MCM2: variants seen among roughly 807,000 people sequenced by gnomAD.
MCM2 encodes DNA replication licensing factor MCM2.
Under a neutral mutation model 86.4 loss-of-function variants are expected in MCM2, and 49 were observed. The observed-to-expected ratio is 0.57, with a 90% confidence interval of 0.45 to 0.72. The LOEUF (loss-of-function observed/expected upper bound fraction) is 0.72. MCM2 is among the 30% of genes least tolerant of loss of function. The probability of loss-of-function intolerance (pLI) is 0.00; values close to 1 mark genes in which losing one functional copy is unlikely to be tolerated. For synonymous variants in MCM2, 475 were observed against 484.6 expected (o/e 0.98, Z 0.26); for missense variants, 1,038 against 1,259.9 (o/e 0.82, Z 2.67).
At chr3:127,609,336 T>G (rs17538530) in intron 8 of MCM2, among the ~76,000 whole-genome samples, 1 of 152,174 alleles carries the variant, frequency 6.6e-6, no homozygotes, top group Admixed American at 6.5e-5. Flanking sequence ...GCTCTTCCTT[T>G]AGCAGATCAT....
intron 2 of MCM2, among the ~76,000 whole-genome samples, chr3:127,600,976 T>G (rs536827820): frequency 7.9e-4 from 120 of 152,270 alleles, no homozygotes; most frequent in South Asian, 3.7e-3. Flanking sequence ...TCCTGAGTTA[T>G]GCAGCCTTCA....
intron 8 of MCM2, among the ~76,000 whole-genome samples, chr3:127,611,915 G>T (rs2074401461): frequency 6.9e-6 from 1 of 144,426 alleles, no homozygotes; most frequent in South Asian, 2.3e-4. Context: ...TAGCCGGGAT[G>T]GTCTCGATCT....
In MCM2 at chr3:127,608,920, A is replaced by T. The variant is rs757173924; in HGVS notation, c.1325A>T (p.Asn442Ile). 3 of 1,614,098 alleles carry T rather than the reference A, an allele frequency of 1.9e-6. No homozygotes were observed. The highest frequency in any genetic ancestry group is 1.6e-4 in the Middle Eastern group (1 of 6,062). Reference protein sequence around the residue: ...FPVFATVILANHVAKKDNKVA... With the variant: ...FPVFATVILAIHVAKKDNKVA... ...GTCTTTGCCACTGTCATCCTAGCCA[A>T]CCACGTGGCCAAGAAGGACAACAAG... The change falls in exon 8 of 16, where the codon AAC becomes ATC. Residue 442 changes from asparagine to isoleucine, a missense_variant. By Grantham distance (149) the Asn-to-Ile change is moderately radical. Coordinates refer to ENST00000265056, the MANE Select transcript of MCM2 (RefSeq NM_004526.4).
chr3:127,603,552 C>T (rs953750861), intron 2 of MCM2, among the ~76,000 whole-genome samples: 8 of 152,226 alleles, frequency 5.3e-5, no homozygotes, highest in Non-Finnish European at 1.0e-4. Context: ...GTGGCACGAA[C>T]GTGGCTCACT....
chr3:127,598,560 G>A, intron 1 of MCM2, 88 bp downstream of exon 1: 1 of 1,527,912 alleles, frequency 6.5e-7, no homozygotes, highest in Non-Finnish European at 8.8e-7. Flanking sequence ...GGCCCAGGGC[G>A]GCGCTCTGGG....
rs59607211 is a variant in MCM2, at chr3:127,611,682, C to CTTTTT, written c.1428+2689_1428+2693dup. Among the ~76,000 whole-genome samples the CTTTTT allele has an allele frequency of 1.8e-3, 96 of 54,288 alleles. 19 individuals are homozygous for CTTTTT. Among genetic ancestry groups the CTTTTT allele is most frequent in the Admixed American group, 4.2e-3 (13 of 3,080 alleles). 35.6% of individuals were successfully genotyped at this position (54,288 alleles called of 152,430 possible). On this transcript the variant is annotated intron_variant, in intron 8 of 15. Coordinates refer to ENST00000265056, the MANE Select transcript of MCM2 (RefSeq NM_004526.4). ...AAGCCCTGCAGGCTTCTGCAGCTGA[C>CTTTTT]TTTTTTTTTTTTTTTTTTTTTTTTT... is the stretch of plus-strand genomic sequence containing the variant.
Position 127,604,623 on chromosome 3 carries a change from C to G in MCM2, c.252C>G (p.Ile84Met). 3 of 1,613,264 alleles carry G rather than the reference C, an allele frequency of 1.9e-6. No individual in the cohort carries two copies. Among genetic ancestry groups the G allele is most frequent in the Non-Finnish European group, 2.5e-6 (3 of 1,180,000 alleles). Residue 84 changes from isoleucine to methionine, a missense_variant, in exon 3 of 16, where the codon ATC becomes ATG. Coordinates refer to ENST00000265056, the MANE Select transcript of MCM2 (RefSeq NM_004526.4). ...GCTCCCTCAGGGACTACCGCGCCAT[C>G]CCAGAGCTGGACGCCTATGAGGCCG... ...GDGMERDYRA[I>M]PELDAYEAEG...
In MCM2 at chr3:127,622,335, A is replaced by T. The variant is rs1327914404; in HGVS notation, c.*562A>T. ...TGCGGATTATCCACTCGCCACAGTT[A>T]TCAGCTGCCATTGCTCCCTGTCTGT... is the stretch of plus-strand genomic sequence containing the variant. On this transcript the variant is annotated 3_prime_UTR_variant, in exon 16 of 16. Transcript: ENST00000265056. 6.6e-6 allele frequency: 1 copy of T among 152,298 alleles called. No individual in the cohort carries two copies. The highest frequency in any genetic ancestry group is 2.4e-5 in the African/African-American group (1 of 41,440). 9.4% of individuals were successfully genotyped at this position (152,298 alleles called of 1,614,324 possible). A position where few individuals can be genotyped will look rare whatever the true frequency, so the allele number is the denominator to read the frequency against.
chr3:127,612,418 G>A (rs2074405867), intron 8 of MCM2, among the ~76,000 whole-genome samples: 3 of 152,206 alleles, frequency 2.0e-5, no homozygotes, highest in African/African-American at 7.2e-5. Context: ...GAAATGAGAG[G>A]ATGAGAGTAA....
At chr3:127,604,561 G>C in intron 2 of MCM2, 47 bp from the exon 3 acceptor site, 2 of 1,591,358 alleles carry the variant, frequency 1.3e-6, no homozygotes, top group African/African-American at 1.3e-5. Context: ...TGGTGCTTAG[G>C]GTTTTCCTTT....
intron 8 of MCM2, among the ~76,000 whole-genome samples, chr3:127,613,576 A>G (rs1395205033): frequency 6.6e-6 from 1 of 152,216 alleles, no homozygotes. Flanking sequence ...GCTTGAGTCC[A>G]TGCTCCCAGT....
At chr3:127,605,591 C>A (rs2074341194) in intron 4 of MCM2, among the ~76,000 whole-genome samples, 1 of 151,872 alleles carries the variant, frequency 6.6e-6, no homozygotes, top group African/African-American at 2.4e-5. Flanking sequence ...CAGGCATGCA[C>A]CACCATGCCT....
At position 127,621,650 on chromosome 3, in the gene MCM2, T is replaced by G; in HGVS notation, c.2605-13T>G. On this transcript the variant is annotated splice_polypyrimidine_tract_variant and intron_variant, in intron 15 of 15. Transcript: ENST00000265056. ...ACACCACTGATGGCTCACTGGACAC[T>G]TCCTCCTTGCAGGCTCGTCAGATCA... The G allele has an allele frequency of 1.9e-6, 3 of 1,587,496 alleles. No homozygotes were observed. Among genetic ancestry groups the G allele is most frequent in the Non-Finnish European group, 2.6e-6 (3 of 1,156,064 alleles).
At chr3:127,599,617 G>A in intron 2 of MCM2, 70 bp downstream of exon 2, 5 of 1,406,764 alleles carry the variant, frequency 3.6e-6, no homozygotes, top group Non-Finnish European at 4.8e-6. Context: ...CTGGTGGCCT[G>A]GCTTTGGGAG....
In MCM2 at chr3:127,622,367, ACT is replaced by A. The variant is rs1321089941; in HGVS notation, c.*599_*600del. ...GCCATTGCTCCCTGTCTGTTTCCCC[ACT>A]CTCTTATTTGTGCATTCGGTTTGGT... On this transcript the variant is annotated 3_prime_UTR_variant, in exon 16 of 16. Transcript: ENST00000265056. 5.3e-5 allele frequency: 8 copies of A among 151,582 alleles called. No homozygotes were observed. Among genetic ancestry groups the A allele is most frequent in the East Asian group, 1.9e-4 (1 of 5,166 alleles). 9.4% of individuals were successfully genotyped at this position (151,582 alleles called of 1,614,324 possible).
rs566444308 is a variant in MCM2, at chr3:127,618,817, G to A, written c.2014-210G>A. On this transcript the variant is annotated intron_variant, in intron 12 of 15. Transcript: ENST00000265056. This position sits in a 1 kb window ranked among gnomAD's most constrained non-coding sequence, Gnocchi z 4.0. ...TAATTTTTAAGACTATTTGTCTCCTGTCCCCTTGTGGAGATGAGCCCTGTG... is the reference window on the plus strand; with the variant it reads ...TAATTTTTAAGACTATTTGTCTCCTATCCCCTTGTGGAGATGAGCCCTGTG... Among the ~76,000 whole-genome samples the A allele has an allele frequency of 6.6e-6, 1 of 152,294 alleles. No individual in the cohort carries two copies. The highest frequency in any genetic ancestry group is 1.9e-4 in the East Asian group (1 of 5,176).
Position 127,617,029 on chromosome 3 carries a change from C to A in MCM2, c.1684C>A (p.Arg562=). Residue 562 remains arginine (R), a synonymous_variant, in exon 10 of 16, where the codon CGG becomes AGG. Coordinates refer to ENST00000265056, the MANE Select transcript of MCM2 (RefSeq NM_004526.4). The surrounding 1 kb of genome is among the most constrained non-coding windows in gnomAD (Gnocchi z 4.1). Reference sequence around the variant, plus strand: ...TGTGGGCCTCACGGCGTATGTCCAGCGGCACCCTGTCAGCAGGGAGTGGAC... The same window carrying A: ...TGTGGGCCTCACGGCGTATGTCCAGAGGCACCCTGTCAGCAGGGAGTGGAC... ...SAVGLTAYVQ[R]HPVSREWTLE... is the part of the protein sequence containing the mutation. 1.2e-6 allele frequency: 2 copies of A among 1,614,212 alleles called. No individual in the cohort carries two copies. Among genetic ancestry groups the A allele is most frequent in the South Asian group, 2.2e-5 (2 of 91,086 alleles).
At chr3:127,621,642 C>A in intron 15 of MCM2, 21 bp from the exon 16 acceptor site, 2 of 1,532,184 alleles carry the variant, frequency 1.3e-6, no homozygotes, top group Non-Finnish European at 1.8e-6. Flanking sequence ...TGATGGCTCA[C>A]TGGACACTTC....
chr3:127,603,216 G>A (rs1437834416), intron 2 of MCM2, among the ~76,000 whole-genome samples: 1 of 152,034 alleles, frequency 6.6e-6, no homozygotes, highest in Non-Finnish European at 1.5e-5. Context: ...AGCCAGGATG[G>A]TCTCGATCTC....
Sources: allele counts gnomAD v4.1 joint callset (sites outside exome capture counted in the v4.1 genomes callset), GRCh38; gene constraint gnomAD v4.1.1; non-coding constraint Gnocchi (gnomAD v3.1); transcripts MANE v1.5; gene names NCBI Gene and HGNC (gene_info 2026-07-23, HGNC 2026-07-21).